Variants in GPR34 observed in about 807,000 individuals in gnomAD.
GPR34 encodes probable G protein-coupled receptor 34.
A neutral mutation model predicts 14.1 loss-of-function variants in GPR34; 3 were observed. That is an observed-to-expected ratio of 0.21 (90% CI 0.10 to 0.55). GPR34 has a LOEUF of 0.55. Among genes scored for constraint, GPR34 ranks in the 20% least tolerant of loss-of-function variants. The pLI, the probability that GPR34 is intolerant of heterozygous loss-of-function variation, is 0.94. For synonymous variants in GPR34, 99 were observed against 99.9 expected (o/e 0.99, Z 0.05); for missense variants, 213 against 292.8 (o/e 0.73, Z 1.99).
At position 41,695,855 on chromosome X, in the gene GPR34, C is replaced by T. The variant is rs1040839614; in HGVS notation, c.222C>T (p.Ile74=). 9 of 1,202,829 alleles carry T rather than the reference C, an allele frequency of 7.5e-6. No homozygotes were observed. Among genetic ancestry groups the T allele is most frequent in the Admixed American group, 4.4e-5 (2 of 45,713 alleles). The change falls in exon 3 of 3, where the codon ATC becomes ATT. Residue 74 remains isoleucine, a synonymous_variant. Transcript: ENST00000378142. ...TCGTGGGACTGGTTGGGAACATAAT[C>T]GCCCTCTATGTATTTCTGGGTATTC... The part of the protein sequence containing the change: ...IFIVGLVGNI[I]ALYVFLGIHR...
chrX:41,691,630 G>A (rs1423439665), intron 2 of GPR34, among the ~76,000 whole-genome samples: 4 of 108,889 alleles, frequency 3.7e-5, no homozygotes, highest in East Asian at 2.9e-4. Context: ...AGGCAGAGGC[G>A]GGCGGAAAAT....
Position 41,693,730 on chromosome X carries a change from A to G in GPR34, c.-79-1825A>G, listed in dbSNP as rs1456387696. ...TGTCTTCCTGCAGTTGAGACACATG[A>G]CAGACTAGACTCAGTCCTTCCCCGC... On this transcript the variant is annotated intron_variant, in intron 2 of 2. Transcript: ENST00000378142. Among the ~76,000 whole-genome samples the G allele has an allele frequency of 5.4e-5, 6 of 111,859 alleles. No individual in the cohort carries two copies. The East Asian group carries it at 1.1e-3, about 21-fold the overall frequency.
Position 41,696,648 on chromosome X carries a change from T to C in GPR34, c.1015T>C (p.Cys339Arg). 1 of 1,210,700 alleles carries C rather than the reference T, an allele frequency of 8.3e-7. No individual in the cohort carries two copies. The highest frequency in any genetic ancestry group is 1.1e-6 in the Non-Finnish European group (1 of 894,596). ...LMSSNIRKIM[C>R]QLLFRRFQGE... ...GTCCAGTAACATTCGCAAAATAATG[T>C]GCCAACTTCTTTTTAGACGATTTCA... is the stretch of plus-strand genomic sequence containing the variant. Residue 339 changes from cysteine (C) to arginine (R), a missense_variant, in exon 3 of 3, where the codon TGC becomes CGC. By Grantham distance (180) the Cys-to-Arg change is radical. Transcript: ENST00000378142.
At position 41,695,679 on chromosome X, in the gene GPR34, T is replaced by G. The variant is rs763728630; in HGVS notation, c.46T>G (p.Trp16Gly). The G allele has an allele frequency of 8.3e-7, 1 of 1,202,306 alleles. No individual in the cohort carries two copies. The highest frequency in any genetic ancestry group is 3.0e-5 in the East Asian group (1 of 33,738). Residue 16 changes from tryptophan to glycine, a missense_variant, in exon 3 of 3, where the codon TGG becomes GGG. By Grantham distance (184) the Trp-to-Gly change is radical (BLOSUM62 -2). Transcript: ENST00000378142. The part of the protein sequence containing the change: ...ITMTTTSVSS[W>G]PYSSHRMRFI... ...AATGACGACAACTTCAGTCAGCAGC[T>G]GGCCTTACTCCTCCCACAGAATGCG...
At chrX:41,690,500 C>T (rs1405314176) in intron 2 of GPR34, among the ~76,000 whole-genome samples, 1 of 107,340 alleles carries the variant, frequency 9.3e-6, no homozygotes, top group Non-Finnish European at 1.9e-5. Flanking sequence ...GTGCGTGCCA[C>T]CACGCCCTGC....
rs1429085574 is a variant in GPR34 at position 41,689,045 on chromosome X, C to G, written c.-212C>G. 9.0e-6 allele frequency: 1 copy of G among 111,551 alleles called. No individual in the cohort carries two copies. The highest frequency in any genetic ancestry group is 1.9e-5 in the Non-Finnish European group (1 of 53,032). The allele number at this position is 111,551 out of a possible 1,213,427, so 9.2% of individuals were successfully genotyped here. On this transcript the variant is annotated 5_prime_UTR_variant, in exon 1 of 3. Transcript: ENST00000378142. ...AGACGAGTCTCAGTGTCTAGGGAAG[C>G]TTGGGGTTCTGCTCCTTTTACTTCA...
intron 2 of GPR34, among the ~76,000 whole-genome samples, chrX:41,692,174 A>C (rs914320107): frequency 3.6e-5 from 4 of 112,495 alleles, no homozygotes; most frequent in Non-Finnish European, 7.5e-5. Flanking sequence ...CACAGAAAGT[A>C]CTAAATAAAT....
At chrX:41,695,371 A>G (rs2067664418) in intron 2 of GPR34, among the ~76,000 whole-genome samples, 184 bp from the exon 3 acceptor site, 1 of 101,142 alleles carries the variant, frequency 9.9e-6, no homozygotes, top group African/African-American at 3.7e-5. Flanking sequence ...GCTGGAGTGC[A>G]GTGGCTCAAT....
At chrX:41,693,017 G>A (rs892700665) in intron 2 of GPR34, among the ~76,000 whole-genome samples, 7 of 111,164 alleles carry the variant, frequency 6.3e-5, no homozygotes, top group African/African-American at 2.0e-4. Context: ...ACAGAGAGCC[G>A]AACAAAATTG....
Position 41,696,568 on chromosome X carries a change from T to C in GPR34, c.935T>C (p.Met312Thr). 1 of 1,206,267 alleles carries C rather than the reference T, an allele frequency of 8.3e-7. No homozygotes were observed. Among genetic ancestry groups the C allele is most frequent in the South Asian group, 1.8e-5 (1 of 56,836 alleles). Residue 312 changes from methionine to threonine, a missense_variant, in exon 3 of 3, where the codon ATG becomes ACG. Coordinates refer to ENST00000378142, the MANE Select transcript of GPR34 (RefSeq NM_001097579.2). ...ATTGTTCACAAAACCAATGAGATCATGCTGGTTCTCTCATCTTTCAATAGT... is the reference window on the plus strand; with the variant it reads ...ATTGTTCACAAAACCAATGAGATCACGCTGGTTCTCTCATCTTTCAATAGT... ...KEIVHKTNEI[M>T]LVLSSFNSCL...
intron 2 of GPR34, among the ~76,000 whole-genome samples, chrX:41,693,066 T>A (rs1471350752): frequency 4.5e-5 from 5 of 111,443 alleles, no homozygotes; most frequent in African/African-American, 1.6e-4. Flanking sequence ...AATTCTAACA[T>A]GAGAGAAGAA....
chrX:41,690,737 G>C (rs1449417050), intron 2 of GPR34, among the ~76,000 whole-genome samples: 1 of 106,257 alleles, frequency 9.4e-6, no homozygotes, highest in African/African-American at 3.5e-5. Context: ...ACAGTGGAGT[G>C]ATCTAGGATC....
Position 41,695,869 on chromosome X carries a change from T to C in GPR34, c.236T>C (p.Phe79Ser), listed in dbSNP as rs1291436068. ...LVGNIIALYV[F>S]LGIHRKRNSI... ...GGGAACATAATCGCCCTCTATGTATTTCTGGGTATTCACCGTAAAAGAAAT... is the reference window on the plus strand; with the variant it reads ...GGGAACATAATCGCCCTCTATGTATCTCTGGGTATTCACCGTAAAAGAAAT... The change falls in exon 3 of 3, where the codon TTT becomes TCT. Residue 79 changes from phenylalanine to serine, a missense_variant. Phe to Ser is a radical substitution (Grantham distance 155). Coordinates refer to ENST00000378142, the MANE Select transcript of GPR34 (RefSeq NM_001097579.2). 2 of 1,207,343 alleles carry C rather than the reference T, an allele frequency of 1.7e-6. No individual in the cohort carries two copies. Among genetic ancestry groups the C allele is most frequent in the East Asian group, 5.9e-5 (2 of 33,847 alleles).
chrX:41,693,663 A>T (rs1049735419), intron 2 of GPR34, among the ~76,000 whole-genome samples: 6 of 111,851 alleles, frequency 5.4e-5, no homozygotes, highest in Non-Finnish European at 1.1e-4. Flanking sequence ...ATCTTAGATC[A>T]CAAGAAACAT....
intron 2 of GPR34, among the ~76,000 whole-genome samples, chrX:41,691,596 C>T (rs1027539856): frequency 4.6e-5 from 5 of 109,437 alleles, no homozygotes; most frequent in Non-Finnish European, 7.6e-5. Context: ...CGGTGGCTCA[C>T]GCCTGTAACC....
In GPR34 at chrX:41,695,850, A is replaced by G; in HGVS notation, c.217A>G (p.Ile73Val). 8.3e-7 allele frequency: 1 copy of G among 1,204,997 alleles called. No homozygotes were observed. The highest frequency in any genetic ancestry group is 1.8e-5 in the South Asian group (1 of 56,834). The change falls in exon 3 of 3, where the codon ATA (isoleucine) becomes GTA (valine). Residue 73 changes from isoleucine to valine, a missense_variant. By Grantham distance (29) the Ile-to-Val change is conservative. Transcript: ENST00000378142. ...TTTCATCGTGGGACTGGTTGGGAAC[A>G]TAATCGCCCTCTATGTATTTCTGGG... ...VIFIVGLVGN[I>V]IALYVFLGIH... is the part of the protein sequence containing the mutation.
chrX:41,693,865 C>A (rs1243311232), intron 2 of GPR34, among the ~76,000 whole-genome samples: 2 of 111,521 alleles, frequency 1.8e-5, no homozygotes, highest in Non-Finnish European at 3.8e-5. Flanking sequence ...TCAATGCTCC[C>A]CAACTTTACA....
At chrX:41,694,334 C>T (rs988200272) in intron 2 of GPR34, among the ~76,000 whole-genome samples, 1 of 111,581 alleles carries the variant, frequency 9.0e-6, no homozygotes, top group East Asian at 2.8e-4. Context: ...TTATGTTAAC[C>T]CTGCTAAGTG....
At position 41,696,675 on chromosome X, in the gene GPR34, G is replaced by A. The variant is rs1220966344; in HGVS notation, c.1042G>A (p.Gly348Ser). 8.3e-7 allele frequency: 1 copy of A among 1,207,144 alleles called. No individual in the cohort carries two copies. Among genetic ancestry groups the A allele is most frequent in the Non-Finnish European group, 1.1e-6 (1 of 892,695 alleles). The change falls in exon 3 of 3, where the codon GGT (glycine) becomes AGT (serine). Residue 348 changes from glycine (G) to serine (S), a missense_variant. Transcript: ENST00000378142. ...MCQLLFRRFQ[G>S]EPSRSESTSE... ...CCAACTTCTTTTTAGACGATTTCAA[G>A]GTGAACCAAGTAGGAGTGAAAGCAC...
Sources: gnomAD v4.1 joint callset for allele counts (sites outside exome capture counted in the v4.1 genomes callset) on GRCh38, gnomAD v4.1.1 for gene constraint, MANE v1.5 for transcripts, NCBI Gene and HGNC (gene_info 2026-07-23, HGNC 2026-07-21) for gene names.